CBLL1: variants seen among roughly 807,000 people sequenced by gnomAD.
CBLL1 encodes Cbl proto-oncogene like 1.
CBLL1 carries 4 observed loss-of-function variants against 44.9 expected under a neutral mutation model. The observed-to-expected ratio is 0.09, with a 90% CI of 0.04 to 0.20. The LOEUF is 0.20. CBLL1 is among the 10% of genes least tolerant of loss of function. The pLI is 1.00. For synonymous variants in CBLL1, 235 were observed against 202.2 expected (o/e 1.16, Z -1.38); for missense variants, 569 against 636.7 (o/e 0.89, Z 1.14).
At chr7:107,745,389 C>G (rs1792963526) in intron 1 of CBLL1, among the ~76,000 whole-genome samples, 1 of 152,048 alleles carries the variant, frequency 6.6e-6, no homozygotes, top group East Asian at 1.9e-4. Flanking sequence ...AGTGCGAAGG[C>G]ACTGAGGTAG....
intron 1 of CBLL1, 37 bp downstream of exon 1, chr7:107,744,213 G>C (rs369676926): frequency 1.3e-6 from 2 of 1,534,868 alleles, no homozygotes; most frequent in East Asian, 2.5e-5. Context: ...CCGGTTCCAA[G>C]CCCCCTTGGC....
At chr7:107,750,506 G>A (rs2115631618) in intron 2 of CBLL1, among the ~76,000 whole-genome samples, 1 of 151,856 alleles carries the variant, frequency 6.6e-6, no homozygotes, top group African/African-American at 2.4e-5. Context: ...GGGTTTCACT[G>A]TGTTAGCCAG....
rs781576562 is a variant in CBLL1, at chr7:107,758,693, C to T, written c.991C>T (p.Pro331Ser). The change falls in exon 6 of 6, where the codon CCT becomes TCT. Residue 331 changes from proline (P) to serine (S), a missense_variant. Physicochemically the swap from Pro to Ser is moderately conservative, Grantham distance 74. This residue lies in a region of CBLL1 where 228 missense variants were observed against 253.2 expected (regional missense o/e 0.90). Coordinates refer to ENST00000440859, the MANE Select transcript of CBLL1 (RefSeq NM_024814.4). The surrounding 1 kb of genome is among the most constrained non-coding windows in gnomAD (Gnocchi z 4.2). ...EYQGQPVVSH[P>S]HHIMPPQQHY... Reference sequence around the variant, plus strand: ...TCAGGGTCAACCAGTGGTATCGCACCCTCATCATATTATGCCTCCACAGCA... The same window carrying T: ...TCAGGGTCAACCAGTGGTATCGCACTCTCATCATATTATGCCTCCACAGCA... The T allele has an allele frequency of 7.4e-6, 12 of 1,613,850 alleles. No homozygotes were observed. Among genetic ancestry groups the T allele is most frequent in the South Asian group, 1.1e-5 (1 of 91,044 alleles).
At position 107,758,948 on chromosome 7, in the gene CBLL1, G is replaced by A. The variant is rs765853157; in HGVS notation, c.1246G>A (p.Val416Ile). 2.5e-6 allele frequency: 4 copies of A among 1,613,466 alleles called. No homozygotes were observed. Among genetic ancestry groups the A allele is most frequent in the Non-Finnish European group, 3.4e-6 (4 of 1,179,740 alleles). The change falls in exon 6 of 6, where the codon GTA becomes ATA. Residue 416 changes from valine to isoleucine, a missense_variant. Transcript: ENST00000440859. The surrounding 1 kb of genome is among the most constrained non-coding windows in gnomAD (Gnocchi z 4.2). ...CCCACCTCAACATGGTGGTCCACCT[G>A]TAACTGCACCCCCTCCTCACCATTA... ...PPPPQHGGPP[V>I]TAPPPHHYNP...
intron 1 of CBLL1, among the ~76,000 whole-genome samples, chr7:107,745,656 G>A (rs1037141961): frequency 5.9e-5 from 9 of 152,206 alleles, no homozygotes; most frequent in African/African-American, 2.2e-4. Context: ...ATAGCTGATT[G>A]CAGTAGACGG....
At chr7:107,749,902 G>A (rs1793202087) in intron 2 of CBLL1, among the ~76,000 whole-genome samples, 1 of 151,432 alleles carries the variant, frequency 6.6e-6, no homozygotes, top group African/African-American at 2.4e-5. Flanking sequence ...TAGGGTTTTT[G>A]TTATATGTTA....
rs1793617038 is a variant in CBLL1 at position 107,758,184 on chromosome 7, G to A, written c.482G>A (p.Gly161Asp). ...PVQRIEQCTR[G>D]SLFMCSIVQG... ...CAGCGAATTGAGCAGTGTACACGAGGTTCTCTCTTCATGTGTAGCATTGTT... is the reference window on the plus strand; with the variant it reads ...CAGCGAATTGAGCAGTGTACACGAGATTCTCTCTTCATGTGTAGCATTGTT... Residue 161 changes from glycine (G) to aspartate (D), a missense_variant, in exon 6 of 6, where the codon GGT becomes GAT. Physicochemically the swap from Gly to Asp is moderately conservative, Grantham distance 94 (BLOSUM62 -1). Around this residue, in one of 5 missense-constraint regions of CBLL1, gnomAD observed 209 missense variants for 202.8 expected, o/e 1.03. Coordinates refer to ENST00000440859, the MANE Select transcript of CBLL1 (RefSeq NM_024814.4). The surrounding 1 kb of genome is among the most constrained non-coding windows in gnomAD (Gnocchi z 4.2). 6.2e-7 allele frequency: 1 copy of A among 1,613,828 alleles called. No homozygotes were observed. Among genetic ancestry groups the A allele is most frequent in the Non-Finnish European group, 8.5e-7 (1 of 1,179,888 alleles).
Position 107,758,073 on chromosome 7 carries a change from TA to T in CBLL1, c.441-69del, listed in dbSNP as rs1427071268. The T allele has an allele frequency of 7.2e-7, 1 of 1,382,326 alleles. No individual in the cohort carries two copies. Among genetic ancestry groups the T allele is most frequent in the Non-Finnish European group, 9.8e-7 (1 of 1,023,216 alleles). The allele number at this position is 1,382,326 out of a possible 1,614,324, so 85.6% of individuals were successfully genotyped here. A position where few individuals can be genotyped will look rare whatever the true frequency, so the allele number is the denominator to read the frequency against. The stretch of plus-strand genomic sequence containing the variant: ...AACAGTCAAATTTTAAAAACAAGCA[TA>T]TTTTTGAAAATTACATAATTTTTTG... On this transcript the variant is annotated intron_variant, in intron 5 of 5. Transcript: ENST00000440859. This position sits in a 1 kb window ranked among gnomAD's most constrained non-coding sequence, Gnocchi z 4.2.
Position 107,758,658 on chromosome 7 carries a change from A to T in CBLL1, c.956A>T (p.His319Leu), listed in dbSNP as rs774546762. Residue 319 changes from histidine to leucine, a missense_variant, in exon 6 of 6, where the codon CAT (histidine) becomes CTT (leucine). By Grantham distance (99) the His-to-Leu change is moderately conservative. Around this residue, in one of 5 missense-constraint regions of CBLL1, gnomAD observed 228 missense variants for 253.2 expected, o/e 0.90. Coordinates refer to ENST00000440859, the MANE Select transcript of CBLL1 (RefSeq NM_024814.4). This position sits in a 1 kb window ranked among gnomAD's most constrained non-coding sequence, Gnocchi z 4.2. ...PPPAPAPAHH[H>L]PEYQGQPVVS... The stretch of plus-strand genomic sequence containing the variant: ...CCTGCCCCAGCACCTGCTCACCATC[A>T]TCCTGAATATCAGGGTCAACCAGTG... The T allele has an allele frequency of 1.2e-6, 2 of 1,613,906 alleles. No individual in the cohort carries two copies. Among genetic ancestry groups the T allele is most frequent in the Non-Finnish European group, 1.7e-6 (2 of 1,179,992 alleles).
In CBLL1 at chr7:107,753,477, G is replaced by A. The variant is rs556313861; in HGVS notation, c.248G>A (p.Arg83Gln). 1.1e-5 allele frequency: 18 copies of A among 1,590,080 alleles called. No individual in the cohort carries two copies. The South Asian group carries it at 1.2e-4, about 10-fold the overall frequency. The change falls in exon 3 of 6, where the codon CGA (arginine) becomes CAA (glutamine). Residue 83 changes from arginine (R) to glutamine (Q), a missense_variant. Arg to Gln is a conservative substitution (Grantham distance 43, BLOSUM62 1). Transcript: ENST00000440859. ...GGGGGTGAGCTGTTTGCAAATCAGCGAAGATTTCCTGGACACCTTTTTTGG... is the reference window on the plus strand; with the variant it reads ...GGGGGTGAGCTGTTTGCAAATCAGCAAAGATTTCCTGGACACCTTTTTTGG... ...CKGGELFANQ[R>Q]RFPGHLFWDF...
intron 2 of CBLL1, among the ~76,000 whole-genome samples, chr7:107,752,890 T>A (rs2115662549): frequency 6.6e-6 from 1 of 152,308 alleles, no homozygotes; most frequent in East Asian, 1.9e-4. Flanking sequence ...TCTAAATCAC[T>A]CATTTTAGGG....
rs899272345 is a variant in CBLL1 at position 107,744,320 on chromosome 7, G to A, written c.13+144G>A. 4 of 1,061,998 alleles carry A rather than the reference G, an allele frequency of 3.8e-6. No homozygotes were observed. In the African/African-American group the frequency reaches 6.7e-5, roughly 18 times the overall value. The allele number at this position is 1,061,998 out of a possible 1,614,324, so 65.8% of individuals were successfully genotyped here. A position where few individuals can be genotyped will look rare whatever the true frequency, so the allele number is the denominator to read the frequency against. ...GAAGAAATCTCACAGATGCCTTCCTGTGCCCGGCAGGGGCCTGCGGTTTCC... is the reference window on the plus strand; with the variant it reads ...GAAGAAATCTCACAGATGCCTTCCTATGCCCGGCAGGGGCCTGCGGTTTCC... On this transcript the variant is annotated intron_variant, in intron 1 of 5. Transcript: ENST00000440859.
chr7:107,752,444 C>CTG lies in CBLL1; in HGVS notation c.182-966_182-965insGT, dbSNP rs572886927. The CTG allele has an allele frequency of 8.6e-4, 372 of 430,322 alleles. 1 individual carries two copies. The highest frequency in any genetic ancestry group is 4.3e-3 in the South Asian group (213 of 49,792). 26.7% of individuals were successfully genotyped at this position (430,322 alleles called of 1,614,324 possible). A position where few individuals can be genotyped will look rare whatever the true frequency, so the allele number is the denominator to read the frequency against. On this transcript the variant is annotated intron_variant, in intron 2 of 5. Coordinates refer to ENST00000440859, the MANE Select transcript of CBLL1 (RefSeq NM_024814.4). ...TTTGTGTGTTAATGTGAATGTGTCT[C>CTG]TCTGTGTGTGTGTGTGTGTGTCTGT...
rs750442873 is a variant in CBLL1, at chr7:107,758,298, G to T, written c.596G>T (p.Arg199Leu). 6.2e-7 allele frequency: 1 copy of T among 1,614,024 alleles called. No individual in the cohort carries two copies. The highest frequency in any genetic ancestry group is 8.5e-7 in the Non-Finnish European group (1 of 1,179,990). Residue 199 changes from arginine (R) to leucine (L), a missense_variant, in exon 6 of 6, where the codon CGT (arginine) becomes CTT (leucine). Transcript: ENST00000440859. The surrounding 1 kb of genome is among the most constrained non-coding windows in gnomAD (Gnocchi z 4.2). ...ATGAGAGCTGGAAAACCTGTTACCC[G>T]TGCTTCACTTGAAAATGTTCATCCT... ...RHMRAGKPVT[R>L]ASLENVHPPI...
At position 107,759,212 on chromosome 7, in the gene CBLL1, A is replaced by C; in HGVS notation, c.*34A>C. 1 of 1,520,870 alleles carries C rather than the reference A, an allele frequency of 6.6e-7. No homozygotes were observed. The highest frequency in any genetic ancestry group is 8.8e-7 in the Non-Finnish European group (1 of 1,134,420). 94.2% of individuals were successfully genotyped at this position (1,520,870 alleles called of 1,614,324 possible). A position where few individuals can be genotyped will look rare whatever the true frequency, so the allele number is the denominator to read the frequency against. On this transcript the variant is annotated 3_prime_UTR_variant, in exon 6 of 6. Transcript: ENST00000440859. ...TTTTGAATGGAAGATATGAGGGGGA[A>C]AAAAACTTATGTGTAGTCAATCTTT...
At chr7:107,746,541 A>G (rs1282837208) in intron 1 of CBLL1, among the ~76,000 whole-genome samples, 1 of 152,218 alleles carries the variant, frequency 6.6e-6, no homozygotes, top group Non-Finnish European at 1.5e-5. Flanking sequence ...GTAAACATGA[A>G]TTTGATAATT....
At chr7:107,756,443 G>A (rs1342229639) in intron 5 of CBLL1, among the ~76,000 whole-genome samples, 1 of 152,024 alleles carries the variant, frequency 6.6e-6, no homozygotes, top group Non-Finnish European at 1.5e-5. Flanking sequence ...TATAACATTT[G>A]TTCTATGAAT....
rs764776585 is a variant in CBLL1 at position 107,758,688 on chromosome 7, C to T, written c.986C>T (p.Ser329Leu). The change falls in exon 6 of 6, where the codon TCG (serine) becomes TTG (leucine). Residue 329 changes from serine to leucine, a missense_variant. Transcript: ENST00000440859. The surrounding 1 kb of genome is among the most constrained non-coding windows in gnomAD (Gnocchi z 4.2). ...GAATATCAGGGTCAACCAGTGGTAT[C>T]GCACCCTCATCATATTATGCCTCCA... ...HPEYQGQPVV[S>L]HPHHIMPPQQ... The T allele has an allele frequency of 9.3e-6, 15 of 1,613,718 alleles. No homozygotes were observed. The highest frequency in any genetic ancestry group is 3.3e-5 in the Admixed American group (2 of 59,960).
rs773543641 is a variant in CBLL1, at chr7:107,759,222, T to G, written c.*44T>G. 127 of 1,493,652 alleles carry G rather than the reference T, an allele frequency of 8.5e-5. No individual in the cohort carries two copies. Among genetic ancestry groups the G allele is most frequent in the Non-Finnish European group, 1.1e-4 (120 of 1,110,428 alleles). The allele number at this position is 1,493,652 out of a possible 1,614,324, so 92.5% of individuals were successfully genotyped here. A position where few individuals can be genotyped will look rare whatever the true frequency, so the allele number is the denominator to read the frequency against. On this transcript the variant is annotated 3_prime_UTR_variant, in exon 6 of 6. Coordinates refer to ENST00000440859, the MANE Select transcript of CBLL1 (RefSeq NM_024814.4). ...AAGATATGAGGGGGAAAAAAACTTA[T>G]GTGTAGTCAATCTTTTAAGCTTTGA...
Sources: allele counts gnomAD v4.1 joint callset (sites outside exome capture counted in the v4.1 genomes callset), GRCh38; gene constraint gnomAD v4.1.1; regional missense constraint gnomAD v4.1.1; non-coding constraint Gnocchi (gnomAD v3.1); transcripts MANE v1.5; gene names NCBI Gene and HGNC (gene_info 2026-07-23, HGNC 2026-07-21).